FRMD6: variants seen among roughly 807,000 people sequenced by gnomAD.
FRMD6 encodes the protein FERM domain containing 6, also known as FERM domain-containing protein 6.
Under a neutral mutation model 73.2 loss-of-function variants are expected in FRMD6, and 37 were observed. That is an observed-to-expected ratio of 0.51 (90% CI 0.39 to 0.66). FRMD6 has a LOEUF of 0.66. FRMD6 is among the 30% of genes least tolerant of loss of function. FRMD6 has a pLI of 0.00. For synonymous variants in FRMD6, 273 were observed against 282.2 expected (o/e 0.97, Z 0.33); for missense variants, 714 against 780.5 (o/e 0.91, Z 1.02).
chr14:51,720,462 T>G, intron 11 of FRMD6, 72 bp downstream of exon 11: 1 of 1,434,510 alleles, frequency 7.0e-7, no homozygotes, highest in Non-Finnish European at 9.7e-7. Context: ...TCTATAGAAC[T>G]GGTGTCTGGA....
At chr14:51,538,863 T>C (rs1245082161) in intron 1 of FRMD6, among the ~76,000 whole-genome samples, 1 of 152,190 alleles carries the variant, frequency 6.6e-6, no homozygotes, top group Non-Finnish European at 1.5e-5. Context: ...GATCATCTTG[T>C]CTATTTTAGG....
chr14:51,534,908 C>A (rs1165293888), intron 1 of FRMD6, among the ~76,000 whole-genome samples: 1 of 152,198 alleles, frequency 6.6e-6, no homozygotes, highest in East Asian at 1.9e-4. Flanking sequence ...GTGGAGAACG[C>A]AGGGCCCCGG....
intron 13 of FRMD6, among the ~76,000 whole-genome samples, chr14:51,726,896 C>G (rs1184996683): frequency 2.0e-5 from 3 of 152,198 alleles, no homozygotes; most frequent in African/African-American, 7.2e-5. Context: ...CAGGGTTGTC[C>G]TTTGTGGTGG....
At chr14:51,472,405 G>C in the FRMD6 span, among the ~76,000 whole-genome samples, 7 of 152,124 alleles carry the variant, frequency 4.6e-5, no homozygotes, top group African/African-American at 1.4e-4. Context: ...CCAGGTTCAC[G>C]CCATTCTCCT....
chr14:51,720,863 A>G (rs1897518378), intron 11 of FRMD6, among the ~76,000 whole-genome samples: 1 of 152,186 alleles, frequency 6.6e-6, no homozygotes, highest in African/African-American at 2.4e-5. Flanking sequence ...TATAGGGAGG[A>G]TAAAAGAAAT....
intron 1 of FRMD6, among the ~76,000 whole-genome samples, chr14:51,493,221 A>G (rs1883115366): frequency 1.3e-5 from 2 of 152,230 alleles, no homozygotes; most frequent in African/African-American, 2.4e-5. Flanking sequence ...AGATTTTTCA[A>G]AACCTTGATC....
intron 2 of FRMD6, among the ~76,000 whole-genome samples, chr14:51,697,219 T>A (rs1193652846): frequency 6.6e-6 from 1 of 152,190 alleles, no homozygotes; most frequent in Non-Finnish European, 1.5e-5. Context: ...CACTCCCATG[T>A]ATATTGCAGT....
At chr14:51,703,743 A>G (rs1304686131) in intron 5 of FRMD6, among the ~76,000 whole-genome samples, 1 of 152,046 alleles carries the variant, frequency 6.6e-6, no homozygotes, top group South Asian at 2.1e-4. Flanking sequence ...ATTTACATAA[A>G]TGCTTTATTT....
At chr14:51,705,465 G>T (rs563011507) in intron 6 of FRMD6, among the ~76,000 whole-genome samples, 111 of 151,904 alleles carry the variant, frequency 7.3e-4, no homozygotes, top group African/African-American at 2.7e-3. Context: ...TTCTCTTCCC[G>T]TCCTTCCTCC....
At chr14:51,466,991 A>T in the FRMD6 span, among the ~76,000 whole-genome samples, 2 of 150,642 alleles carry the variant, frequency 1.3e-5, no homozygotes, top group Non-Finnish European at 3.0e-5. Flanking sequence ...ATACTTATTG[A>T]TCATTCTTGG....
chr14:51,468,963 T>C, the FRMD6 span, among the ~76,000 whole-genome samples: 3 of 152,150 alleles, frequency 2.0e-5, no homozygotes, highest in African/African-American at 7.2e-5. Flanking sequence ...TTGTTTGAGA[T>C]GGTGTTTTGC....
At chr14:51,697,791 A>T (rs12889944) in intron 2 of FRMD6, among the ~76,000 whole-genome samples, 15,527 of 152,198 alleles carry the variant, frequency 0.1, 1,060 homozygotes, top group Non-Finnish European at 0.16. Flanking sequence ...AAAATTTTTT[A>T]AAAAAGATAC....
upstream of FRMD6, among the ~76,000 whole-genome samples, chr14:51,488,810 C>A (rs560077780): frequency 1.3e-5 from 2 of 152,218 alleles, no homozygotes; most frequent in Non-Finnish European, 2.9e-5. Context: ...GAAGTTCGAT[C>A]CCTAACCAGT....
In FRMD6 at chr14:51,537,233, C is replaced by T. The variant is rs377230397; in HGVS notation, c.-209-33115C>T. ...CTGTACTTTTGCATTTTACAGAGTG[C>T]CATCTAGTTGTAATCATACAGCATG... is the stretch of plus-strand genomic sequence containing the variant. On this transcript the variant is annotated intron_variant, in intron 1 of 14. Coordinates refer to the FRMD6 transcript ENST00000356218. 3.3e-4 allele frequency among the ~76,000 whole-genome samples: 51 copies of T among 152,262 alleles called. 1 individual carries two copies. The South Asian group carries it at 0.01, about 31-fold the overall frequency.
intron 1 of FRMD6, among the ~76,000 whole-genome samples, chr14:51,526,092 G>A (rs983952322): frequency 2.0e-5 from 3 of 152,102 alleles, no homozygotes; most frequent in Non-Finnish European, 4.4e-5. Flanking sequence ...ATTGATCTTC[G>A]CTTCTTAACA....
intron 11 of FRMD6, among the ~76,000 whole-genome samples, 171 bp from the exon 12 acceptor site, chr14:51,721,775 GAGT>G (rs1897630698): frequency 1.3e-5 from 2 of 150,136 alleles, no homozygotes; most frequent in Non-Finnish European, 1.5e-5. Context: ...AGGAGGGAAG[GAGT>G]AAACAAGTAG....
intron 1 of FRMD6, among the ~76,000 whole-genome samples, chr14:51,656,448 C>A (rs1383522071): frequency 6.6e-6 from 1 of 151,578 alleles, no homozygotes; most frequent in African/African-American, 2.4e-5. Context: ...GAGTCTCGCC[C>A]TGTCGCCCAG....
upstream of FRMD6, among the ~76,000 whole-genome samples, chr14:51,487,071 A>G (rs567236336): frequency 5.9e-5 from 9 of 152,184 alleles, no homozygotes; most frequent in African/African-American, 2.2e-4. Context: ...AACTCTCAGT[A>G]TGGGTTTGGG....
chr14:51,665,266 T>C (rs1893498475), intron 1 of FRMD6, among the ~76,000 whole-genome samples: 1 of 152,180 alleles, frequency 6.6e-6, no homozygotes, highest in Admixed American at 6.5e-5. Context: ...TGCTCTGTAG[T>C]CTCCCACAGT....
Sources: allele counts gnomAD v4.1 joint callset (sites outside exome capture counted in the v4.1 genomes callset), GRCh38; gene constraint gnomAD v4.1.1; transcripts MANE v1.5; gene names NCBI Gene and HGNC (gene_info 2026-07-23, HGNC 2026-07-21).